The following SLITRK6 variants were observed in gnomAD, a reference collection of about 807,000 sequenced individuals.
The protein encoded by SLITRK6 is SLIT and NTRK like family member 6, also known as SLIT and NTRK-like protein 6.
In SLITRK6, 35 loss-of-function variants were observed where a neutral mutation model predicts 55.6. The observed-to-expected ratio is 0.63, with a 90% CI of 0.48 to 0.83. The LOEUF (loss-of-function observed/expected upper bound fraction) is 0.83. Among genes scored for constraint, SLITRK6 ranks in the 40% least tolerant of loss-of-function variants. SLITRK6 has a pLI of 0.00. For missense variants in SLITRK6, 977 were observed against 986.4 expected (o/e 0.99, Z 0.13); for synonymous variants, 392 against 359.6 (o/e 1.09, Z -1.02).
In SLITRK6 at chr13:85,794,571, C is replaced by T. The variant is rs1463611119; in HGVS notation, c.1938G>A (p.Glu646=). 8 of 1,613,040 alleles carry T rather than the reference C, an allele frequency of 5.0e-6. No individual in the cohort carries two copies. Among genetic ancestry groups the T allele is most frequent in the Non-Finnish European group, 5.9e-6 (7 of 1,179,548 alleles). The change falls in exon 2 of 2, where the codon GAG becomes GAA. Residue 646 remains glutamate, a synonymous_variant. Coordinates refer to ENST00000647374, the MANE Select transcript of SLITRK6 (RefSeq NM_032229.3). ...RRRYKKKQVD[E]QMRDNSPVHL... ...GCACAGGACTGTTGTCTCTCATTTG[C>T]TCATCTACTTGTTTCTTTTTGTATC...
Position 85,793,065 on chromosome 13 carries a change from CTG to C in SLITRK6, c.*916_*917del, listed in dbSNP as rs1566396490. 1 of 152,210 alleles carries C rather than the reference CTG, an allele frequency of 6.6e-6. No homozygotes were observed. Among genetic ancestry groups the C allele is most frequent in the Non-Finnish European group, 1.5e-5 (1 of 67,850 alleles). The allele number at this position is 152,210 out of a possible 1,614,324, so 9.4% of individuals were successfully genotyped here. Reference sequence around the variant, plus strand: ...ATAATTTTTCCTATTTACTTTACAACTGTGAATTACTTGCCACAAGAAATGTA... The same window carrying C: ...ATAATTTTTCCTATTTACTTTACAACTGAATTACTTGCCACAAGAAATGTA... On this transcript the variant is annotated 3_prime_UTR_variant, in exon 2 of 2. Coordinates refer to ENST00000647374, the MANE Select transcript of SLITRK6 (RefSeq NM_032229.3).
In SLITRK6 at chr13:85,795,222, G is replaced by A. The variant is rs1399178314; in HGVS notation, c.1287C>T (p.Gly429=). ...NGNHLTKLSK[G]MFLGLHNLEY... ...CAAGATTATGGAGACCAAGGAACATGCCTTTACTTAATTTGGTCAGGTGGT... is the reference window on the plus strand; with the variant it reads ...CAAGATTATGGAGACCAAGGAACATACCTTTACTTAATTTGGTCAGGTGGT... Residue 429 remains glycine, a synonymous_variant, in exon 2 of 2, where the codon GGC becomes GGT. Coordinates refer to ENST00000647374, the MANE Select transcript of SLITRK6 (RefSeq NM_032229.3). 4 of 1,612,382 alleles carry A rather than the reference G, an allele frequency of 2.5e-6. No individual in the cohort carries two copies. Among genetic ancestry groups the A allele is most frequent in the South Asian group, 2.2e-5 (2 of 90,986 alleles).
chr13:85,794,500 G>C lies in SLITRK6; in HGVS notation c.2009C>G (p.Thr670Ser), dbSNP rs1420945851. 1.2e-6 allele frequency: 2 copies of C among 1,613,326 alleles called. No individual in the cohort carries two copies. Among genetic ancestry groups the C allele is most frequent in the Admixed American group, 3.3e-5 (2 of 59,858 alleles). Residue 670 changes from threonine to serine, a missense_variant, in exon 2 of 2, where the codon ACT becomes AGT. Thr to Ser is a moderately conservative substitution (Grantham distance 58). Transcript: ENST00000647374. ...MYGHKTTHHT[T>S]ERPSASLYEQ... is the part of the protein sequence containing the mutation. ...ATAGAGTGAGGCAGAGGGTCTTTCAGTAGTGTGATGAGTGGTTTTATGGCC... is the reference window on the plus strand; with the variant it reads ...ATAGAGTGAGGCAGAGGGTCTTTCACTAGTGTGATGAGTGGTTTTATGGCC...
At chr13:85,796,634 T>C (rs576380327) in intron 1 of SLITRK6, 102 bp from the exon 2 acceptor site, 10 of 943,660 alleles carry the variant, frequency 1.1e-5, no homozygotes, top group South Asian at 3.3e-5. Context: ...AAAAAGCAAA[T>C]GACGGATTAC....
chr13:85,795,641 A>G lies in SLITRK6; in HGVS notation c.868T>C (p.Ser290Pro), dbSNP rs1447011011. ...SGSLHLAATS[S>P]INDSRMSTKT... ...GTTGACATGCGACTATCATTTATTGAAGATGTTGCTGCCAGATGTAATGAT... is the reference window on the plus strand; with the variant it reads ...GTTGACATGCGACTATCATTTATTGGAGATGTTGCTGCCAGATGTAATGAT... Residue 290 changes from serine (S) to proline (P), a missense_variant, in exon 2 of 2, where the codon TCA becomes CCA. By Grantham distance (74) the Ser-to-Pro change is moderately conservative. Transcript: ENST00000647374. 1.2e-6 allele frequency: 2 copies of G among 1,612,974 alleles called. No homozygotes were observed. The highest frequency in any genetic ancestry group is 2.7e-5 in the African/African-American group (2 of 74,828).
chr13:85,796,017 C>T lies in SLITRK6; in HGVS notation c.492G>A (p.Val164=). The T allele has an allele frequency of 1.9e-6, 3 of 1,613,108 alleles. No homozygotes were observed. The highest frequency in any genetic ancestry group is 2.2e-5 in the South Asian group (2 of 91,066). Residue 164 remains valine, a synonymous_variant, in exon 2 of 2, where the codon GTG becomes GTA. Coordinates refer to ENST00000647374, the MANE Select transcript of SLITRK6 (RefSeq NM_032229.3). ...CAATAGCATTGTCATTTAAAATTAA[C>T]ACTTTGAGTCTGTTGAGCTTGCTAA... is the stretch of plus-strand genomic sequence containing the variant. ...SAFSKLNRLK[V]LILNDNAIES...
In SLITRK6 at chr13:85,792,875, T is replaced by C. The variant is rs7998922; in HGVS notation, c.*1108A>G. 0.12 allele frequency: 18,918 copies of C among 152,110 alleles called. 2,266 individuals carry two copies. The highest frequency in any genetic ancestry group is 0.31 in the African/African-American group (12,910 of 41,402). 9.4% of individuals were successfully genotyped at this position (152,110 alleles called of 1,614,324 possible). On this transcript the variant is annotated 3_prime_UTR_variant, in exon 2 of 2. Transcript: ENST00000647374. The stretch of plus-strand genomic sequence containing the variant: ...AATAATTACTTTTGTGAACCAAAAC[T>C]ATATAAAACTGTACAGAATAAATAT...
Position 85,794,130 on chromosome 13 carries a change from G to A in SLITRK6, c.2379C>T (p.Ala793=), listed in dbSNP as rs778763825. The A allele has an allele frequency of 1.9e-6, 3 of 1,612,988 alleles. No individual in the cohort carries two copies. The Admixed American group carries it at 5.0e-5, about 27-fold the overall frequency. Residue 793 remains alanine (A), a synonymous_variant, in exon 2 of 2, where the codon GCC becomes GCT. Coordinates refer to ENST00000647374, the MANE Select transcript of SLITRK6 (RefSeq NM_032229.3). The stretch of plus-strand genomic sequence containing the variant: ...TTTCCATTAACTTCAGCTCTTCGTG[G>A]GCTCCAGGATAATGTGCCTCCATAT... ...QPDMEAHYPG[A]HEELKLMETL... is the part of the protein sequence containing the mutation.
At position 85,795,883 on chromosome 13, in the gene SLITRK6, C is replaced by T. The variant is rs1302473453; in HGVS notation, c.626G>A (p.Arg209Gln). ...GTCCTCCAACTGAAGATCCAATATTCGGCCAATGTGTTCGAGAAAACCAAC... is the reference window on the plus strand; with the variant it reads ...GTCCTCCAACTGAAGATCCAATATTTGGCCAATGTGTTCGAGAAAACCAAC... ...PYVGFLEHIG[R>Q]ILDLQLEDNK... Residue 209 changes from arginine to glutamine, a missense_variant, in exon 2 of 2, where the codon CGA (arginine) becomes CAA (glutamine). By Grantham distance (43) the Arg-to-Gln change is conservative (BLOSUM62 1). Coordinates refer to ENST00000647374, the MANE Select transcript of SLITRK6 (RefSeq NM_032229.3). 7 of 1,612,846 alleles carry T rather than the reference C, an allele frequency of 4.3e-6. No homozygotes were observed. The highest frequency in any genetic ancestry group is 5.1e-6 in the Non-Finnish European group (6 of 1,179,432).
chr13:85,797,075 C>G (rs1303039181), intron 1 of SLITRK6, among the ~76,000 whole-genome samples: 1 of 150,990 alleles, frequency 6.6e-6, no homozygotes, highest in African/African-American at 2.4e-5. Context: ...CATGCATTGT[C>G]TTTATATTGT....
In SLITRK6 at chr13:85,795,218, A is replaced by C; in HGVS notation, c.1291T>G (p.Phe431Val). The change falls in exon 2 of 2, where the codon TTC becomes GTC. Residue 431 changes from phenylalanine to valine, a missense_variant. Coordinates refer to ENST00000647374, the MANE Select transcript of SLITRK6 (RefSeq NM_032229.3). ...NHLTKLSKGMFLGLHNLEYLY... is the reference protein window; with the variant it reads ...NHLTKLSKGMVLGLHNLEYLY... Reference sequence around the variant, plus strand: ...TATTCAAGATTATGGAGACCAAGGAACATGCCTTTACTTAATTTGGTCAGG... The same window carrying C: ...TATTCAAGATTATGGAGACCAAGGACCATGCCTTTACTTAATTTGGTCAGG... 5 of 1,612,430 alleles carry C rather than the reference A, an allele frequency of 3.1e-6. No homozygotes were observed. Among genetic ancestry groups the C allele is most frequent in the Non-Finnish European group, 4.2e-6 (5 of 1,179,250 alleles).
In SLITRK6 at chr13:85,793,972, A is replaced by G; in HGVS notation, c.*11T>C. 6.3e-7 allele frequency: 1 copy of G among 1,575,456 alleles called. No homozygotes were observed. On this transcript the variant is annotated 3_prime_UTR_variant, in exon 2 of 2. Transcript: ENST00000647374. ...TCACAGCATTTCTGCGAAAGCCCTC[A>G]AACTCTCCATCTATGTTTGCTGCTC...
In SLITRK6 at chr13:85,795,262, A is replaced by ATATC. The variant is rs775100426; in HGVS notation, c.1246_1247insGATA (p.Leu416ArgfsTer7). The ATATC allele has an allele frequency of 1.9e-6, 3 of 1,612,700 alleles. No individual in the cohort carries two copies. The South Asian group carries it at 3.3e-5, about 18-fold the overall frequency. On this transcript the variant is annotated frameshift_variant, in exon 2 of 2. Transcript: ENST00000647374. LOFTEE classifies it high-confidence loss of function. ...GGTCAGGTGGTTACCATTTAGATAGAGTTTTTGTAATCTCGTTAGGTTCAT... is the reference window on the plus strand; with the variant it reads ...GGTCAGGTGGTTACCATTTAGATAGATATCGTTTTTGTAATCTCGTTAGGTTCAT...
chr13:85,797,989 C>A (rs1448877678), intron 1 of SLITRK6, among the ~76,000 whole-genome samples: 2 of 151,760 alleles, frequency 1.3e-5, no homozygotes, highest in African/African-American at 4.8e-5. Context: ...GTAAAACATA[C>A]CAGAACCCAA....
intron 1 of SLITRK6, 47 bp downstream of exon 1, chr13:85,798,867 A>G (rs1172158117): frequency 3.3e-5 from 5 of 151,984 alleles, no homozygotes; most frequent in African/African-American, 4.8e-5. Context: ...TCACTTTACT[A>G]TAATGCAAAA....
rs771580822 is a variant in SLITRK6, at chr13:85,796,167, C to A, written c.342G>T (p.Leu114=). The A allele has an allele frequency of 6.2e-7, 1 of 1,612,878 alleles. No individual in the cohort carries two copies. Among genetic ancestry groups the A allele is most frequent in the Admixed American group, 1.7e-5 (1 of 59,792 alleles). The change falls in exon 2 of 2, where the codon CTG becomes CTT. Residue 114 remains leucine (L), a synonymous_variant. Coordinates refer to ENST00000647374, the MANE Select transcript of SLITRK6 (RefSeq NM_032229.3). ...AATTGTGATTGATATGAAGTTGTTT[C>A]AGGAGGCCAAGGCCATTAAATGCAC... The part of the protein sequence containing the change: ...EIGAFNGLGL[L]KQLHINHNSL...
chr13:85,797,932 G>T (rs1294428472), intron 1 of SLITRK6, among the ~76,000 whole-genome samples: 2 of 151,702 alleles, frequency 1.3e-5, no homozygotes, highest in Non-Finnish European at 2.9e-5. Flanking sequence ...CATTTTTGTT[G>T]TTTGAAATAT....
At position 85,798,927 on chromosome 13, in the gene SLITRK6, A is replaced by G. The variant is rs1007709600; in HGVS notation, c.-38T>C. On this transcript the variant is annotated 5_prime_UTR_variant, in exon 1 of 2. Coordinates refer to ENST00000647374, the MANE Select transcript of SLITRK6 (RefSeq NM_032229.3). ...CATTCATCTTACCTGTAAAGCAGAG[A>G]CTCTTCCTGACGTTATCTGTAATGC... The G allele has an allele frequency of 4.0e-5, 6 of 151,772 alleles. No individual in the cohort carries two copies. Among genetic ancestry groups the G allele is most frequent in the African/African-American group, 1.2e-4 (5 of 41,352 alleles). The allele number at this position is 151,772 out of a possible 1,614,324, so 9.4% of individuals were successfully genotyped here. A position where few individuals can be genotyped will look rare whatever the true frequency, so the allele number is the denominator to read the frequency against.
chr13:85,796,665 G>A, intron 1 of SLITRK6, 133 bp from the exon 2 acceptor site: 1 of 621,866 alleles, frequency 1.6e-6, no homozygotes, highest in Non-Finnish European at 2.4e-6. Flanking sequence ...TGGGTACCTT[G>A]CTGCATTTAC....
Sources: allele counts gnomAD v4.1 joint callset (sites outside exome capture counted in the v4.1 genomes callset), GRCh38; gene constraint gnomAD v4.1.1; transcripts MANE v1.5; gene names NCBI Gene and HGNC (gene_info 2026-07-23, HGNC 2026-07-21).